ANKRD11: variants seen among roughly 807,000 people sequenced by gnomAD.
ANKRD11 encodes ankyrin repeat domain 11.
ANKRD11 carries 17 observed loss-of-function variants against 195.7 expected under a neutral mutation model. The ratio of observed to expected loss-of-function variants is 0.09; its 90% CI spans 0.06 to 0.13. ANKRD11 has a LOEUF of 0.13. Among genes scored for constraint, ANKRD11 ranks in the 10% least tolerant of loss-of-function variants. The probability of loss-of-function intolerance (pLI) is 1.00; values close to 1 mark genes in which losing one functional copy is unlikely to be tolerated. For missense variants in ANKRD11, 3,735 were observed against 3,566.1 expected (o/e 1.05, Z -1.21); for synonymous variants, 1,953 against 1,528.1 (o/e 1.28, Z -6.49).
chr16:89,479,450 C>T (rs577313988), intron 1 of ANKRD11, among the ~76,000 whole-genome samples: 5 of 150,598 alleles, frequency 3.3e-5, no homozygotes, highest in Admixed American at 6.7e-5. Context: ...CTGACCAACA[C>T]GGAGAAACCC....
In ANKRD11 at chr16:89,280,173, G is replaced by A. The variant is rs779761433; in HGVS notation, c.6369C>T (p.Ala2123=). ...GQVEPVPWAD[A]FAGPEDDLDL... ...CCAGGTCGTCCTCGGGGCCGGCGAAGGCGTCCGCCCAGGGCACCGGCTCCA... is the reference window on the plus strand; with the variant it reads ...CCAGGTCGTCCTCGGGGCCGGCGAAAGCGTCCGCCCAGGGCACCGGCTCCA... The change falls in exon 9 of 13, where the codon GCC becomes GCT. Residue 2123 remains alanine (A), a synonymous_variant. Transcript: ENST00000301030. The A allele has an allele frequency of 2.0e-5, 32 of 1,609,478 alleles. No homozygotes were observed. The highest frequency in any genetic ancestry group is 2.5e-5 in the Non-Finnish European group (30 of 1,178,968).
intron 2 of ANKRD11, among the ~76,000 whole-genome samples, chr16:89,338,909 A>G (rs1431990226): frequency 6.6e-6 from 1 of 152,150 alleles, no homozygotes; most frequent in East Asian, 1.9e-4. Context: ...GTAACAAAAA[A>G]ATCACCCAGA....
In ANKRD11 at chr16:89,274,831, T is replaced by C; in HGVS notation, c.7696A>G (p.Met2566Val). 6.2e-7 allele frequency: 1 copy of C among 1,611,708 alleles called. No homozygotes were observed. Among genetic ancestry groups the C allele is most frequent in the Non-Finnish European group, 8.5e-7 (1 of 1,179,860 alleles). Reference protein sequence around the residue: ...TMLLDSEVYNMPLESQGDENK... With the variant: ...TMLLDSEVYNVPLESQGDENK... ...GGCCCTACCTGGCTCTCCAGGGGCATGTTGTAGACCTCGGAGTCCAGCAGC... is the reference window on the plus strand; with the variant it reads ...GGCCCTACCTGGCTCTCCAGGGGCACGTTGTAGACCTCGGAGTCCAGCAGC... Residue 2566 changes from methionine to valine, a missense_variant, in exon 11 of 13, where the codon ATG becomes GTG. By Grantham distance (21) the Met-to-Val change is conservative (BLOSUM62 1). Coordinates refer to ENST00000301030, the MANE Select transcript of ANKRD11 (RefSeq NM_013275.6).
At chr16:89,422,826 G>C (rs1333330549) in intron 1 of ANKRD11, among the ~76,000 whole-genome samples, 1 of 152,184 alleles carries the variant, frequency 6.6e-6, no homozygotes, top group African/African-American at 2.4e-5. Flanking sequence ...AGGAGACTCT[G>C]ACTGACACAA....
Position 89,281,893 on chromosome 16 carries a change from T to G in ANKRD11, c.4649A>C (p.Asn1550Thr). The part of the protein sequence containing the change: ...KEKGDPVKMS[N>T]GNDKVAPSKD... ...GGATGGCGCTACCTTATCATTCCCG[T>G]TGCTCATCTTCACTGGGTCGCCCTT... The change falls in exon 9 of 13, where the codon AAC becomes ACC. Residue 1550 changes from asparagine to threonine, a missense_variant. Transcript: ENST00000301030. This position sits in a 1 kb window ranked among gnomAD's most constrained non-coding sequence, Gnocchi z 5.5. The G allele has an allele frequency of 6.2e-7, 1 of 1,613,848 alleles. No individual in the cohort carries two copies. Among genetic ancestry groups the G allele is most frequent in the East Asian group, 2.2e-5 (1 of 44,874 alleles).
At chr16:89,427,741 G>T (rs1334813202) in intron 1 of ANKRD11, among the ~76,000 whole-genome samples, 1 of 151,942 alleles carries the variant, frequency 6.6e-6, no homozygotes, top group Non-Finnish European at 1.5e-5. Flanking sequence ...AGAGGTTGCA[G>T]TGAGCTGAGA....
intron 3 of ANKRD11, chr16:89,313,581 TG>T (rs1461156603): frequency 2.3e-6 from 3 of 1,289,038 alleles, no homozygotes; most frequent in African/African-American, 3.0e-5. Context: ...ACGATTCTTT[TG>T]GAAAAATCTA....
intron 2 of ANKRD11, among the ~76,000 whole-genome samples, chr16:89,345,375 C>G (rs1236353962): frequency 6.6e-6 from 1 of 152,042 alleles, no homozygotes; most frequent in Admixed American, 6.6e-5. Context: ...TGGGGAGGCT[C>G]TGCCCTCGTG....
rs769525153 is a variant in ANKRD11, at chr16:89,283,558, T to C, written c.2984A>G (p.Lys995Arg). The C allele has an allele frequency of 6.2e-7, 1 of 1,612,120 alleles. No individual in the cohort carries two copies. The highest frequency in any genetic ancestry group is 1.1e-5 in the South Asian group (1 of 91,090). ...FKDKSDGDFGKGLEPWERHHP... is the reference protein window; with the variant it reads ...FKDKSDGDFGRGLEPWERHHP... ...GTGCCGTTCCCACGGCTCCAGGCCC[T>C]TCCCAAAGTCGCCGTCGGACTTGTC... Residue 995 changes from lysine (K) to arginine (R), a missense_variant, in exon 9 of 13, where the codon AAG becomes AGG. Coordinates refer to ENST00000301030, the MANE Select transcript of ANKRD11 (RefSeq NM_013275.6). This position sits in a 1 kb window ranked among gnomAD's most constrained non-coding sequence, Gnocchi z 4.3.
chr16:89,388,293 ATTTTTT>A (rs71134215), intron 2 of ANKRD11, among the ~76,000 whole-genome samples: 78 of 85,300 alleles, frequency 9.1e-4, no homozygotes, highest in African/African-American at 3.2e-3. Flanking sequence ...CATGAGGCTG[ATTTTTT>A]TTTTTTTTTT....
intron 1 of ANKRD11, among the ~76,000 whole-genome samples, chr16:89,463,542 G>A (rs1050170827): frequency 2.0e-5 from 3 of 152,122 alleles, no homozygotes; most frequent in African/African-American, 4.8e-5. Flanking sequence ...GCGGAAGGCC[G>A]CAGGGTCCTC....
intron 1 of ANKRD11, among the ~76,000 whole-genome samples, chr16:89,469,659 G>A (rs1023886712): frequency 1.1e-4 from 16 of 151,438 alleles, no homozygotes; most frequent in Admixed American, 9.8e-4. Context: ...AGCACTTTGG[G>A]AGGCTGAGGC....
intron 11 of ANKRD11, among the ~76,000 whole-genome samples, chr16:89,273,733 A>G (rs557935997): frequency 3.7e-4 from 57 of 152,272 alleles, no homozygotes; most frequent in African/African-American, 1.3e-3. Context: ...CATTGTGTAT[A>G]TGAGAGACAT....
At chr16:89,460,098 C>T (rs554853251) in intron 1 of ANKRD11, among the ~76,000 whole-genome samples, 40 of 151,648 alleles carry the variant, frequency 2.6e-4, no homozygotes, top group South Asian at 2.3e-3. Flanking sequence ...ATTAGCTGGG[C>T]GTGGTGGTGT....
intron 2 of ANKRD11, among the ~76,000 whole-genome samples, chr16:89,358,183 G>A (rs991146411): frequency 7.2e-5 from 11 of 152,208 alleles, no homozygotes; most frequent in Admixed American, 2.0e-4. Flanking sequence ...ATGCCACCAC[G>A]TGCGGGCAGA....
Position 89,285,104 on chromosome 16 carries a change from C to G in ANKRD11, c.1438G>C (p.Glu480Gln), listed in dbSNP as rs1292885694. Residue 480 changes from glutamate to glutamine, a missense_variant, in exon 9 of 13, where the codon GAG becomes CAG. Physicochemically the swap from Glu to Gln is conservative, Grantham distance 29. Transcript: ENST00000301030. The surrounding 1 kb of genome is among the most constrained non-coding windows in gnomAD (Gnocchi z 5.6). ...GKRSDKFCSS[E>Q]SESESSESGE... Reference sequence around the variant, plus strand: ...CTCTCTGAGGACTCGCTCTCCGACTCCGAGGAGCAGAACTTGTCGCTCCGC... The same window carrying G: ...CTCTCTGAGGACTCGCTCTCCGACTGCGAGGAGCAGAACTTGTCGCTCCGC... The G allele has an allele frequency of 3.1e-6, 5 of 1,613,674 alleles. No individual in the cohort carries two copies. The highest frequency in any genetic ancestry group is 1.3e-5 in the African/African-American group (1 of 74,944).
intron 2 of ANKRD11, among the ~76,000 whole-genome samples, chr16:89,381,827 T>C (rs903810577): frequency 6.6e-6 from 1 of 152,026 alleles, no homozygotes; most frequent in African/African-American, 2.4e-5. Flanking sequence ...GGGGAAGAGG[T>C]AGAGGTCAGA....
intron 2 of ANKRD11, among the ~76,000 whole-genome samples, chr16:89,397,263 T>C (rs903109037): frequency 1.1e-4 from 17 of 152,108 alleles, no homozygotes; most frequent in Non-Finnish European, 1.6e-4. Context: ...GGCATCCACC[T>C]CCAGGACAGA....
At chr16:89,326,550 G>A (rs1051851461) in intron 2 of ANKRD11, among the ~76,000 whole-genome samples, 26 of 152,076 alleles carry the variant, frequency 1.7e-4, no homozygotes, top group African/African-American at 6.3e-4. Flanking sequence ...TTTGAGACCC[G>A]GGCAATGTAG....
Sources: gnomAD v4.1 joint callset for allele counts (sites outside exome capture counted in the v4.1 genomes callset) on GRCh38, gnomAD v4.1.1 for gene constraint, Gnocchi (gnomAD v3.1) non-coding constraint, MANE v1.5 for transcripts, NCBI Gene and HGNC (gene_info 2026-07-23, HGNC 2026-07-21) for gene names.